Variants in DPYD observed in about 807,000 individuals in gnomAD.
The protein encoded by DPYD is dihydropyrimidine dehydrogenase, also known as dihydropyrimidine dehydrogenase [NADP(+)].
A neutral mutation model predicts 116.2 loss-of-function variants in DPYD; 109 were observed. The observed-to-expected ratio is 0.94, with a 90% CI of 0.80 to 1.10. DPYD has a LOEUF of 1.10. Among genes scored for constraint, DPYD ranks in the 50% least tolerant of loss-of-function variants. DPYD has a pLI of 0.00. For missense variants in DPYD, 1,302 were observed against 1,254.5 expected, an observed-to-expected ratio of 1.04 and a Z score of -0.57; for synonymous variants, 440 against 432.0, an observed-to-expected ratio of 1.02 and a Z score of -0.23.
intron 1 of DPYD, among the ~76,000 whole-genome samples, chr1:97,917,495 C>A (rs1047668094): frequency 6.6e-5 from 10 of 152,168 alleles, no homozygotes; most frequent in African/African-American, 1.2e-4. Context: ...AGAAAATTCC[C>A]AATTACCTTT....
intron 10 of DPYD, among the ~76,000 whole-genome samples, chr1:97,578,276 T>C (rs997741343): frequency 3.3e-5 from 5 of 152,156 alleles, no homozygotes; most frequent in African/African-American, 1.2e-4. Flanking sequence ...ATGCTTTACC[T>C]GTAACTCAAT....
intron 18 of DPYD, among the ~76,000 whole-genome samples, chr1:97,301,366 T>C (rs1468002290): frequency 6.6e-6 from 1 of 152,034 alleles, no homozygotes; most frequent in African/African-American, 2.4e-5. Context: ...AGAACAAGAA[T>C]TTCCTTTCCT....
At chr1:97,709,223 A>C (rs1221975105) in intron 5 of DPYD, among the ~76,000 whole-genome samples, 2 of 151,918 alleles carry the variant, frequency 1.3e-5, no homozygotes, top group East Asian at 1.9e-4. Flanking sequence ...ATAGGCACTC[A>C]ACAAGATTTT....
chr1:97,888,932 T>C (rs761385991), intron 1 of DPYD, among the ~76,000 whole-genome samples: 19 of 151,908 alleles, frequency 1.3e-4, no homozygotes, highest in South Asian at 2.1e-4. Flanking sequence ...CCAAGGCAGG[T>C]GGATCACCAA....
chr1:97,755,278 G>A (rs1323013700), intron 3 of DPYD, among the ~76,000 whole-genome samples: 3 of 152,134 alleles, frequency 2.0e-5, no homozygotes, highest in Non-Finnish European at 2.9e-5. Flanking sequence ...CTATGACCCT[G>A]GGGTATAAAA....
At chr1:97,466,766 C>T (rs10783068) in intron 13 of DPYD, among the ~76,000 whole-genome samples, 123,293 of 152,054 alleles carry the variant, frequency 0.81, 50,411 homozygotes, top group Non-Finnish European at 0.87. Flanking sequence ...TTAAAGGCCA[C>T]CAGGCATCCA....
At chr1:97,591,173 C>A (rs866866092) in intron 10 of DPYD, among the ~76,000 whole-genome samples, 1 of 152,312 alleles carries the variant, frequency 6.6e-6, no homozygotes, top group Admixed American at 6.5e-5. Context: ...AAAATCATCT[C>A]ATCGGAGAGG....
At chr1:97,351,031 T>C (rs1005402850) in intron 16 of DPYD, among the ~76,000 whole-genome samples, 4 of 152,188 alleles carry the variant, frequency 2.6e-5, no homozygotes, top group Non-Finnish European at 4.4e-5. Flanking sequence ...CTGAACTTTG[T>C]ATCTCCTATT....
At chr1:97,562,844 C>G (rs962583197) in intron 11 of DPYD, among the ~76,000 whole-genome samples, 2 of 151,962 alleles carry the variant, frequency 1.3e-5, no homozygotes, top group African/African-American at 4.8e-5. Context: ...TCAGCCCCCC[C>G]GAGTAGCTGG....
rs1667141512 is a variant in DPYD at position 97,306,059 on chromosome 1, T to C, written c.2179+118A>G. ...GGGATCAAGTGCTCAACTGGAAACTTTTAAAATTGAGACAAAAAATATGCA... is the reference window on the plus strand; with the variant it reads ...GGGATCAAGTGCTCAACTGGAAACTCTTAAAATTGAGACAAAAAATATGCA... On this transcript the variant is annotated intron_variant, in intron 17 of 22. Coordinates refer to ENST00000370192, the MANE Select transcript of DPYD (RefSeq NM_000110.4). 6 of 1,550,826 alleles carry C rather than the reference T, an allele frequency of 3.9e-6. No individual in the cohort carries two copies. In the South Asian group the frequency reaches 5.6e-5, roughly 14 times the overall value.
chr1:97,524,856 T>C (rs978098015), intron 12 of DPYD, among the ~76,000 whole-genome samples: 2 of 152,220 alleles, frequency 1.3e-5, no homozygotes, highest in African/African-American at 4.8e-5. Context: ...CTGATTTGTA[T>C]TTTAAACTTA....
chr1:97,078,763 A>G lies in DPYD; in HGVS notation c.*213T>C. ...ACAGTTATTTAACTACTATCCTCAGAAAAGAATTATTCTATTTTATGACCA... is the reference window on the plus strand; with the variant it reads ...ACAGTTATTTAACTACTATCCTCAGGAAAGAATTATTCTATTTTATGACCA... On this transcript the variant is annotated 3_prime_UTR_variant, in exon 23 of 23. Coordinates refer to ENST00000370192, the MANE Select transcript of DPYD (RefSeq NM_000110.4). 1.8e-6 allele frequency: 1 copy of G among 567,228 alleles called. No individual in the cohort carries two copies. Among genetic ancestry groups the G allele is most frequent in the Non-Finnish European group, 3.1e-6 (1 of 323,766 alleles). The allele number at this position is 567,228 out of a possible 1,614,324, so 35.1% of individuals were successfully genotyped here.
chr1:97,230,319 T>C (rs1451339564), intron 19 of DPYD, among the ~76,000 whole-genome samples: 1 of 152,210 alleles, frequency 6.6e-6, no homozygotes, highest in Non-Finnish European at 1.5e-5. Context: ...AGGAATGAGA[T>C]CATGTCATTT....
intron 20 of DPYD, among the ~76,000 whole-genome samples, chr1:97,182,987 T>A (rs1230353132): frequency 1.3e-5 from 2 of 152,114 alleles, no homozygotes; most frequent in African/African-American, 4.8e-5. Flanking sequence ...GTGACTTGAG[T>A]TTTTATTTTC....
chr1:97,842,552 A>G (rs1468791026), intron 2 of DPYD, among the ~76,000 whole-genome samples: 1 of 152,050 alleles, frequency 6.6e-6, no homozygotes, highest in Non-Finnish European at 1.5e-5. Context: ...CTTATGTTGC[A>G]TAATGATTCT....
At chr1:97,535,370 C>T (rs535654081) in intron 12 of DPYD, among the ~76,000 whole-genome samples, 2 of 152,218 alleles carry the variant, frequency 1.3e-5, no homozygotes, top group African/African-American at 2.4e-5. Context: ...TGCATTAGAG[C>T]GCTGAAAATT....
intron 20 of DPYD, among the ~76,000 whole-genome samples, chr1:97,113,000 CTT>C (rs1490289030): frequency 2.0e-5 from 3 of 152,120 alleles, no homozygotes; most frequent in Admixed American, 1.3e-4. Flanking sequence ...ACCCCAATAA[CTT>C]TTCTCCTCAT....
At chr1:97,621,928 G>A (rs1656654343) in intron 8 of DPYD, among the ~76,000 whole-genome samples, 1 of 151,854 alleles carries the variant, frequency 6.6e-6, no homozygotes, top group African/African-American at 2.4e-5. Context: ...AACAATTTGA[G>A]CAACAAAACA....
intron 13 of DPYD, among the ~76,000 whole-genome samples, chr1:97,510,992 A>G: frequency 6.6e-6 from 1 of 151,902 alleles, no homozygotes; most frequent in East Asian, 1.9e-4. Flanking sequence ...TGATTGCTAT[A>G]TGCCCCACAT....
Sources: allele counts gnomAD v4.1 joint callset (sites outside exome capture counted in the v4.1 genomes callset), GRCh38; gene constraint gnomAD v4.1.1; transcripts MANE v1.5; gene names NCBI Gene and HGNC (gene_info 2026-07-23, HGNC 2026-07-21).